Variants in TAFA2 observed in about 807,000 individuals in gnomAD.
The protein encoded by TAFA2 is TAFA chemokine like family member 2.
A neutral mutation model predicts 18.8 loss-of-function variants in TAFA2; 7 were observed. The ratio of observed to expected loss-of-function variants is 0.37; its 90% CI spans 0.21 to 0.70. The LOEUF (loss-of-function observed/expected upper bound fraction) is 0.70, where lower values mean the gene tolerates loss of function less well. Ranked by LOEUF, TAFA2 falls within the 30% of genes least tolerant of loss-of-function variation. The pLI is 0.53. For missense variants in TAFA2, 122 were observed against 158.1 expected (o/e 0.77, Z 1.23); for synonymous variants, 60 against 54.2 (o/e 1.11, Z -0.47).
intron 2 of TAFA2, among the ~76,000 whole-genome samples, chr12:61,799,076 A>G (rs1420508922): frequency 6.6e-6 from 1 of 152,240 alleles, no homozygotes; most frequent in Non-Finnish European, 1.5e-5. Context: ...AATGACTAGT[A>G]TCAAATATGC....
chr12:61,733,532 C>G (rs1233796011), intron 4 of TAFA2, among the ~76,000 whole-genome samples: 2 of 150,222 alleles, frequency 1.3e-5, no homozygotes, highest in Non-Finnish European at 3.0e-5. Flanking sequence ...AATAGGGAAT[C>G]CTTTCCCCAT....
At chr12:62,124,761 C>T (rs1870379023) in intron 1 of TAFA2, among the ~76,000 whole-genome samples, 1 of 152,086 alleles carries the variant, frequency 6.6e-6, no homozygotes, top group Non-Finnish European at 1.5e-5. Context: ...CTTGCAGAAT[C>T]GTCAAATACA....
chr12:61,892,404 C>T (rs954667834), intron 1 of TAFA2, among the ~76,000 whole-genome samples: 1 of 152,094 alleles, frequency 6.6e-6, no homozygotes, highest in African/African-American at 2.4e-5. Context: ...CTATTTAATG[C>T]CATGCATGTA....
chr12:62,249,560 A>G (rs12299115), intron 1 of TAFA2, among the ~76,000 whole-genome samples: 17,492 of 152,126 alleles, frequency 0.11, 1,078 homozygotes, highest in Middle Eastern at 0.21. Flanking sequence ...CATATGCTAA[A>G]TGTGCCTCAG....
intron 1 of TAFA2, among the ~76,000 whole-genome samples, chr12:62,240,374 GC>G (rs2062857220): frequency 6.6e-6 from 1 of 151,368 alleles, no homozygotes; most frequent in South Asian, 2.1e-4. Context: ...AGCCGAGATA[GC>G]GCTATGGCAC....
At chr12:62,226,696 T>A (rs777503122) in intron 1 of TAFA2, among the ~76,000 whole-genome samples, 2 of 152,182 alleles carry the variant, frequency 1.3e-5, no homozygotes, top group African/African-American at 2.4e-5. Context: ...TCCTCTCATA[T>A]TTCCAAAATC....
At chr12:61,890,026 A>T (rs759459423) in intron 1 of TAFA2, among the ~76,000 whole-genome samples, 55 of 152,352 alleles carry the variant, frequency 3.6e-4, no homozygotes, top group Non-Finnish European at 5.9e-4. Flanking sequence ...AACACCAAAA[A>T]TAGCCTGTGA....
At chr12:61,914,651 C>G (rs534870336) in intron 1 of TAFA2, among the ~76,000 whole-genome samples, 1 of 152,152 alleles carries the variant, frequency 6.6e-6, no homozygotes, top group Non-Finnish European at 1.5e-5. Context: ...ATAGTAGTAC[C>G]TGACATTACG....
chr12:62,206,448 G>T (rs1318868248), intron 1 of TAFA2, among the ~76,000 whole-genome samples: 7 of 152,058 alleles, frequency 4.6e-5, no homozygotes, highest in Non-Finnish European at 1.0e-4. Context: ...TTTAGACACA[G>T]AATTAATTCC....
chr12:62,180,117 C>T (rs1296469790), intron 1 of TAFA2, among the ~76,000 whole-genome samples: 1 of 152,172 alleles, frequency 6.6e-6, no homozygotes, highest in Non-Finnish European at 1.5e-5. Context: ...GTAAAATTCA[C>T]CAATGTGCAG....
At chr12:61,771,916 A>G (rs1329618889) in intron 2 of TAFA2, among the ~76,000 whole-genome samples, 3 of 151,412 alleles carry the variant, frequency 2.0e-5, no homozygotes, top group East Asian at 1.9e-4. Context: ...AAACAAAAAA[A>G]AAAACAGATA....
chr12:62,130,431 T>C (rs888431797), intron 1 of TAFA2, among the ~76,000 whole-genome samples: 1 of 152,002 alleles, frequency 6.6e-6, no homozygotes, highest in Admixed American at 6.6e-5. Flanking sequence ...AATTAGTGGA[T>C]ATATTATATT....
chr12:62,123,221 C>T (rs1870279164), intron 1 of TAFA2, among the ~76,000 whole-genome samples: 1 of 152,170 alleles, frequency 6.6e-6, no homozygotes, highest in Non-Finnish European at 1.5e-5. Context: ...TATGCCCACA[C>T]TCCACACCTC....
intron 1 of TAFA2, chr12:62,258,658 T>A (rs2062955674): frequency 4.0e-6 from 1 of 249,212 alleles, no homozygotes. Flanking sequence ...TTTCATTTAA[T>A]CTTCATAAAA....
chr12:61,866,849 A>G (rs1426957723), intron 2 of TAFA2, among the ~76,000 whole-genome samples: 1 of 152,120 alleles, frequency 6.6e-6, no homozygotes, highest in East Asian at 1.9e-4. Flanking sequence ...GATAAGTGCA[A>G]TCTGAAACTT....
chr12:61,875,234 C>CTG (rs1223948542), intron 1 of TAFA2, among the ~76,000 whole-genome samples: 1 of 152,046 alleles, frequency 6.6e-6, no homozygotes, highest in Admixed American at 6.6e-5. Context: ...TTCTCAGTGA[C>CTG]TGTAGATAGT....
intron 2 of TAFA2, among the ~76,000 whole-genome samples, chr12:61,861,724 C>T (rs1044057809): frequency 3.9e-5 from 6 of 152,110 alleles, no homozygotes; most frequent in Non-Finnish European, 8.8e-5. Flanking sequence ...AGGCTTTGAA[C>T]TAAAAATCAT....
At chr12:62,258,798 G>C (rs1232831617) in exon 1 of TAFA2, 1 of 343,764 alleles carries the variant, frequency 2.9e-6, no homozygotes, top group East Asian at 1.1e-4. Flanking sequence ...TCCATATTCT[G>C]CAGCTTCCCT....
chr12:62,055,098 G>C (rs188246713), intron 1 of TAFA2, among the ~76,000 whole-genome samples: 3 of 152,194 alleles, frequency 2.0e-5, no homozygotes, highest in Admixed American at 1.3e-4. Context: ...TGGGATCAAT[G>C]CCCTTATAAA....
Sources: gnomAD v4.1 joint callset for allele counts (sites outside exome capture counted in the v4.1 genomes callset) on GRCh38, gnomAD v4.1.1 for gene constraint, MANE v1.5 for transcripts, NCBI Gene and HGNC (gene_info 2026-07-23, HGNC 2026-07-21) for gene names.